COL4A4: variants seen among roughly 807,000 people sequenced by gnomAD.
COL4A4 encodes the protein collagen type IV alpha 4 chain.
In COL4A4, 105 loss-of-function variants were observed where a neutral mutation model predicts 192.9. That is an observed-to-expected ratio of 0.54 (90% CI 0.46 to 0.64). The LOEUF (loss-of-function observed/expected upper bound fraction) is 0.64, where lower values mean the gene tolerates loss of function less well. COL4A4 is among the 30% of genes least tolerant of loss of function. The pLI is 0.00. For synonymous variants in COL4A4, 762 were observed against 769.9 expected (o/e 0.99, Z 0.17); for missense variants, 1,967 against 2,169.3 (o/e 0.91, Z 1.85).
intron 22 of COL4A4, among the ~76,000 whole-genome samples, chr2:227,088,083 T>C (rs111375928): frequency 0.071 from 10,887 of 152,292 alleles, 710 homozygotes; most frequent in African/African-American, 0.17. Context: ...AGCAGGCACT[T>C]AACAATACCA....
intron 42 of COL4A4, among the ~76,000 whole-genome samples, chr2:227,027,638 A>AATAT (rs55816470): frequency 6.7e-6 from 1 of 149,606 alleles, no homozygotes; most frequent in South Asian, 2.1e-4. Flanking sequence ...TATAATAAAA[A>AATAT]ATATATATAT....
At chr2:226,981,976 C>T in the COL4A4 span, among the ~76,000 whole-genome samples, 14 of 152,278 alleles carry the variant, frequency 9.2e-5, no homozygotes, top group East Asian at 2.7e-3. Context: ...GTGGAGAAGC[C>T]CACCCTGGTT....
chr2:227,071,483 A>T (rs780929508), intron 25 of COL4A4, among the ~76,000 whole-genome samples: 12 of 152,134 alleles, frequency 7.9e-5, no homozygotes, highest in Non-Finnish European at 1.3e-4. Context: ...ACAGCACTAG[A>T]CAGATCTTCA....
chr2:227,153,212 G>A (rs553974654), intron 1 of COL4A4, among the ~76,000 whole-genome samples: 1 of 152,256 alleles, frequency 6.6e-6, no homozygotes, highest in East Asian at 1.9e-4. Flanking sequence ...GGAGACTTGG[G>A]AATTATGGGA....
intron 44 of COL4A4, among the ~76,000 whole-genome samples, chr2:227,015,444 G>C (rs939092573): frequency 6.6e-6 from 1 of 152,130 alleles, no homozygotes; most frequent in African/African-American, 2.4e-5. Flanking sequence ...AGCGAGCTGT[G>C]TTTTAACAAG....
the COL4A4 span, among the ~76,000 whole-genome samples, chr2:226,987,977 C>G: frequency 6.6e-6 from 1 of 152,260 alleles, no homozygotes; most frequent in Non-Finnish European, 1.5e-5. Context: ...TTGATGGAAA[C>G]TTCTGTGCAT....
chr2:227,037,362 T>G (rs562948706), intron 37 of COL4A4, among the ~76,000 whole-genome samples: 7 of 152,322 alleles, frequency 4.6e-5, no homozygotes, highest in Non-Finnish European at 1.0e-4. Flanking sequence ...TGTGTTAGTT[T>G]GCTGAGAATG....
downstream of COL4A4, chr2:226,998,052 GTTTA>G (rs1959902983): frequency 6.6e-6 from 1 of 152,150 alleles, no homozygotes; most frequent in Non-Finnish European, 1.5e-5. Flanking sequence ...TTTTAATTTG[GTTTA>G]TTTATTAGTA....
chr2:227,011,255 A>G (rs531729883), intron 45 of COL4A4, among the ~76,000 whole-genome samples: 2 of 152,126 alleles, frequency 1.3e-5, no homozygotes, highest in African/African-American at 2.4e-5. Context: ...TTTGTGTTCT[A>G]CCCTTGGTTC....
At position 227,059,468 on chromosome 2, in the gene COL4A4, C is replaced by G. The variant is rs569681869; in HGVS notation, c.2320G>C (p.Gly774Arg). The change falls in exon 28 of 48, where the codon GGT (glycine) becomes CGT (arginine). Residue 774 changes from glycine to arginine, a missense_variant. Gly to Arg is a moderately radical substitution (Grantham distance 125). Transcript: ENST00000396625. ...TTTATCCCTGGCACTCCTGAAAGAC[C>G]CCTCTTTCCCGGGGGTCCCAGGTGA... ...FGHLGPPGKRGLSGVPGIKGP... is the reference protein window; with the variant it reads ...FGHLGPPGKRRLSGVPGIKGP... 4.2e-5 allele frequency: 68 copies of G among 1,613,980 alleles called. 1 individual carries two copies. In the South Asian group the frequency reaches 4.5e-4, roughly 11 times the overall value.
intron 30 of COL4A4, among the ~76,000 whole-genome samples, chr2:227,055,701 C>T (rs1267524106): frequency 1.3e-5 from 2 of 151,984 alleles, no homozygotes; most frequent in Non-Finnish European, 2.9e-5. Context: ...TACCGTGCTA[C>T]CCAGTCTTCA....
At chr2:227,140,018 G>T (rs2063092858) in intron 4 of COL4A4, 143 bp downstream of exon 4, 1 of 721,690 alleles carries the variant, frequency 1.4e-6, no homozygotes. Flanking sequence ...ATTGCTATTA[G>T]AATGTGAAAA....
intron 2 of COL4A4, among the ~76,000 whole-genome samples, chr2:227,145,457 A>G (rs774198988): frequency 4.6e-5 from 7 of 152,104 alleles, no homozygotes; most frequent in Non-Finnish European, 8.8e-5. Flanking sequence ...AAAACAACAA[A>G]ACAAAACACC....
intron 22 of COL4A4, among the ~76,000 whole-genome samples, chr2:227,084,179 T>C (rs1269218974): frequency 6.6e-6 from 1 of 152,232 alleles, no homozygotes; most frequent in South Asian, 2.1e-4. Flanking sequence ...TTTTACTATA[T>C]ATGCTAGTCA....
At chr2:227,088,871 A>T in intron 21 of COL4A4, 55 bp from the exon 22 acceptor site, 1 of 1,591,468 alleles carries the variant, frequency 6.3e-7, no homozygotes, top group Non-Finnish European at 8.6e-7. Flanking sequence ...AATCCCCAAT[A>T]AGGGCTTTAC....
At chr2:226,981,108 A>G in the COL4A4 span, among the ~76,000 whole-genome samples, 1 of 152,166 alleles carries the variant, frequency 6.6e-6, no homozygotes, top group Non-Finnish European at 1.5e-5. Flanking sequence ...TGAGTAAACT[A>G]TCACAAGGAC....
chr2:227,016,805 G>A (rs1575769084), intron 44 of COL4A4, among the ~76,000 whole-genome samples: 1 of 152,146 alleles, frequency 6.6e-6, no homozygotes, highest in East Asian at 1.9e-4. Flanking sequence ...GTGCTCCCAG[G>A]ATTAGAAACG....
intron 37 of COL4A4, among the ~76,000 whole-genome samples, chr2:227,037,597 A>G (rs1309484325): frequency 6.6e-6 from 1 of 152,158 alleles, no homozygotes; most frequent in African/African-American, 2.4e-5. Flanking sequence ...TTTGGGTATA[A>G]ACCCAGTAAT....
At chr2:227,039,878 A>G (rs997151329) in intron 37 of COL4A4, among the ~76,000 whole-genome samples, 1 of 152,362 alleles carries the variant, frequency 6.6e-6, no homozygotes, top group South Asian at 2.1e-4. Context: ...GCTGGAATTC[A>G]TATTACTAAA....
Sources: gnomAD v4.1 joint callset for allele counts (sites outside exome capture counted in the v4.1 genomes callset) on GRCh38, gnomAD v4.1.1 for gene constraint, MANE v1.5 for transcripts, NCBI Gene and HGNC (gene_info 2026-07-23, HGNC 2026-07-21) for gene names.